Variants in GTF2A1L observed in about 807,000 individuals in gnomAD.
GTF2A1L encodes general transcription factor IIA subunit 1 like, also known as TFIIA-alpha and beta-like factor.
Under a neutral mutation model 49.7 loss-of-function variants are expected in GTF2A1L, and 48 were observed. The observed-to-expected ratio is 0.97, with a 90% CI of 0.77 to 1.23. The LOEUF (loss-of-function observed/expected upper bound fraction) is 1.23, where lower values mean the gene tolerates loss of function less well. GTF2A1L is among the 50% of genes most tolerant of loss of function. The pLI, the probability that GTF2A1L is intolerant of heterozygous loss-of-function variation, is 0.00. For missense variants in GTF2A1L, 736 were observed against 564.8 expected, an observed-to-expected ratio of 1.30 and a Z score of -3.07; for synonymous variants, 246 against 193.5, an observed-to-expected ratio of 1.27 and a Z score of -2.25.
rs1379610430 is a variant in GTF2A1L, at chr2:48,646,871, CA to C, written c.808del (p.Met270TrpfsTer22). 1.2e-6 allele frequency: 2 copies of C among 1,614,186 alleles called. No homozygotes were observed. The highest frequency in any genetic ancestry group is 3.3e-5 in the Admixed American group (2 of 60,032). On this transcript the variant is annotated frameshift_variant, in exon 6 of 9. Coordinates refer to ENST00000403751, the MANE Select transcript of GTF2A1L (RefSeq NM_006872.5). LOFTEE classifies it high-confidence loss of function. ...AGTCAGTGCTCAGTGGTTCAGCTAGCATGGCTCAAAATCTGCATGATGAGTC... is the reference window on the plus strand; with the variant it reads ...AGTCAGTGCTCAGTGGTTCAGCTAGCTGGCTCAAAATCTGCATGATGAGTC... ...VESVLSGSAS[M>X]AQNLHDESLS...
intron 6 of GTF2A1L, among the ~76,000 whole-genome samples, chr2:48,666,216 T>G (rs1039078089): frequency 6.6e-6 from 1 of 151,906 alleles, no homozygotes; most frequent in Non-Finnish European, 1.5e-5. Flanking sequence ...TCTTTCTTTT[T>G]TTTTTTTGAG....
chr2:48,647,253 T>G, intron 6 of GTF2A1L: 1 of 467,716 alleles, frequency 2.1e-6, no homozygotes, highest in Non-Finnish European at 3.7e-6. Context: ...TAACCATTTT[T>G]AAGTGTACAG....
chr2:48,646,396 T>G (rs1572730406), intron 5 of GTF2A1L, 57 bp from the exon 6 acceptor site: 2 of 1,355,342 alleles, frequency 1.5e-6, no homozygotes, highest in Non-Finnish European at 9.6e-7. Context: ...TTTGTGGTGG[T>G]TGTCAAAGGA....
chr2:48,679,478 C>T lies in GTF2A1L; in HGVS notation c.*36C>T, dbSNP rs1201420424. On this transcript the variant is annotated 3_prime_UTR_variant, in exon 9 of 9. Transcript: ENST00000403751. Reference sequence around the variant, plus strand: ...CTCAGTACATCTATTTTGTGAACATCAGTTGGATTATATTGCATATTGTGA... The same window carrying T: ...CTCAGTACATCTATTTTGTGAACATTAGTTGGATTATATTGCATATTGTGA... The T allele has an allele frequency of 3.1e-6, 5 of 1,610,152 alleles. No homozygotes were observed. Among genetic ancestry groups the T allele is most frequent in the Admixed American group, 1.7e-5 (1 of 59,294 alleles).
At chr2:48,621,374 A>G in intron 3 of GTF2A1L, 84 bp downstream of exon 3, 4 of 1,592,482 alleles carry the variant, frequency 2.5e-6, no homozygotes, top group South Asian at 2.3e-5. Context: ...AGACAGGGTA[A>G]TGTTCTTAGG....
At chr2:48,643,353 T>C (rs1168906069) in intron 4 of GTF2A1L, among the ~76,000 whole-genome samples, 1 of 152,192 alleles carries the variant, frequency 6.6e-6, no homozygotes, top group African/African-American at 2.4e-5. Context: ...GAGTAGTACA[T>C]AATCTACTAA....
In GTF2A1L at chr2:48,651,842, C is replaced by G. The variant is rs886126287; in HGVS notation, c.978+4800C>G. ...CTATTTTTGAGAGGGAGCAAAAGCC[C>G]CCTCATAACAATTTGATCTAGAGGA... On this transcript the variant is annotated intron_variant, in intron 6 of 8. Coordinates refer to ENST00000403751, the MANE Select transcript of GTF2A1L (RefSeq NM_006872.5). 5.9e-5 allele frequency among the ~76,000 whole-genome samples: 9 copies of G among 152,096 alleles called. 1 individual carries two copies. The highest frequency in any genetic ancestry group is 6.8e-3 in the Middle Eastern group (2 of 294).
intron 8 of GTF2A1L, 46 bp downstream of exon 8, chr2:48,671,726 T>C: frequency 6.6e-7 from 1 of 1,525,256 alleles, no homozygotes; most frequent in Non-Finnish European, 9.0e-7. Context: ...ACTGCATTTA[T>C]AGTAGAAAGG....
intron 6 of GTF2A1L, among the ~76,000 whole-genome samples, chr2:48,664,424 T>G (rs1018843293): frequency 3.9e-5 from 6 of 152,152 alleles, no homozygotes; most frequent in African/African-American, 1.2e-4. Flanking sequence ...ACTGATTGAT[T>G]TTTGAATGTT....
chr2:48,651,437 T>C (rs77117485), intron 6 of GTF2A1L, among the ~76,000 whole-genome samples: 1 of 52,592 alleles, frequency 1.9e-5, no homozygotes, highest in East Asian at 2.4e-4. Flanking sequence ...TTGTGAGTTC[T>C]TTTTTTTTTT....
Position 48,621,174 on chromosome 2 carries a change from A to T in GTF2A1L, c.131A>T (p.Glu44Val). The T allele has an allele frequency of 6.2e-7, 1 of 1,612,948 alleles. No individual in the cohort carries two copies. The highest frequency in any genetic ancestry group is 8.5e-7 in the Non-Finnish European group (1 of 1,179,710). ...QVLKDLKQLW[E>V]TKVLQSKATE... ...TTTTTTTCCCCTCTGCAGCTCTGGG[A>T]AACCAAGGTTTTGCAGTCTAAAGCA... The change falls in exon 3 of 9, where the codon GAA (glutamate) becomes GTA (valine). Residue 44 changes from glutamate to valine, a missense_variant. Glu to Val is a moderately radical substitution (Grantham distance 121). Coordinates refer to ENST00000403751, the MANE Select transcript of GTF2A1L (RefSeq NM_006872.5).
chr2:48,620,964 A>G lies in GTF2A1L; in HGVS notation c.123+12A>G, dbSNP rs1005567609. ...AAGACTTGAAGCAGGTTTGTAGCCG[A>G]TACAACTTTTTCTTCCTGTCTTTTG... On this transcript the variant is annotated intron_variant, in intron 2 of 8. Transcript: ENST00000403751. 2 of 1,590,210 alleles carry G rather than the reference A, an allele frequency of 1.3e-6. No homozygotes were observed. Among genetic ancestry groups the G allele is most frequent in the Admixed American group, 1.9e-5 (1 of 52,876 alleles).
At chr2:48,621,389 G>C in intron 3 of GTF2A1L, 99 bp downstream of exon 3, 1 of 1,527,674 alleles carries the variant, frequency 6.5e-7, no homozygotes, top group Non-Finnish European at 8.9e-7. Context: ...CTTAGGGTGA[G>C]AAGGCTTGGA....
intron 3 of GTF2A1L, among the ~76,000 whole-genome samples, chr2:48,626,767 T>C (rs938229893): frequency 6.9e-6 from 1 of 144,186 alleles, no homozygotes; most frequent in Non-Finnish European, 1.6e-5. Context: ...AGAGGCAGGG[T>C]TTCTCCATAC....
At chr2:48,633,132 T>A (rs982043468) in intron 3 of GTF2A1L, 3 of 277,070 alleles carry the variant, frequency 1.1e-5, no homozygotes, top group Non-Finnish European at 2.2e-5. Flanking sequence ...CTGCAAGTGA[T>A]GGTTCATGAC....
At chr2:48,631,148 G>A (rs1309811488) in intron 3 of GTF2A1L, among the ~76,000 whole-genome samples, 3 of 152,058 alleles carry the variant, frequency 2.0e-5, no homozygotes, top group Non-Finnish European at 4.4e-5. Flanking sequence ...GAGTTAGAGA[G>A]GAGTCCCTTC....
In GTF2A1L at chr2:48,646,611, A is replaced by C. The variant is rs139834804; in HGVS notation, c.547A>C (p.Thr183Pro). ...PQLNPWSLQATTEKSQRIETV... is the reference protein window; with the variant it reads ...PQLNPWSLQAPTEKSQRIETV... ...ATTGAATCCATGGTCTCTTCAAGCA[A>C]CTACTGAAAAATCACAGAGAATTGA... The change falls in exon 6 of 9, where the codon ACT becomes CCT. Residue 183 changes from threonine to proline, a missense_variant. Coordinates refer to ENST00000403751, the MANE Select transcript of GTF2A1L (RefSeq NM_006872.5). 6.2e-7 allele frequency: 1 copy of C among 1,614,076 alleles called. No individual in the cohort carries two copies. Among genetic ancestry groups the C allele is most frequent in the Non-Finnish European group, 8.5e-7 (1 of 1,180,032 alleles).
chr2:48,623,681 T>C (rs1458992187), intron 3 of GTF2A1L, among the ~76,000 whole-genome samples: 1 of 152,092 alleles, frequency 6.6e-6, no homozygotes, highest in African/African-American at 2.4e-5. Flanking sequence ...ACATGGTGGA[T>C]TGGATAAAGA....
At chr2:48,672,777 T>C (rs1679242609) in intron 8 of GTF2A1L, among the ~76,000 whole-genome samples, 1 of 152,234 alleles carries the variant, frequency 6.6e-6, no homozygotes, top group Non-Finnish European at 1.5e-5. Flanking sequence ...GGCTTTGAGA[T>C]ATAATGAACA....
Sources: gnomAD v4.1 joint callset for allele counts (sites outside exome capture counted in the v4.1 genomes callset) on GRCh38, gnomAD v4.1.1 for gene constraint, MANE v1.5 for transcripts, NCBI Gene and HGNC (gene_info 2026-07-23, HGNC 2026-07-21) for gene names.